Variants in BLOC1S5 observed in about 807,000 individuals in gnomAD.
BLOC1S5 encodes the protein biogenesis of lysosome-related organelles complex 1 subunit 5.
Under a neutral mutation model 24.3 loss-of-function variants are expected in BLOC1S5, and 27 were observed. That is an observed-to-expected ratio of 1.11 (90% CI 0.82 to 1.53). The LOEUF is 1.53. Among genes scored for constraint, BLOC1S5 ranks in the 40% most tolerant of loss-of-function variants. The pLI is 0.00. For missense variants in BLOC1S5, 239 were observed against 229.4 expected (o/e 1.04, Z -0.27); for synonymous variants, 84 against 74.5 (o/e 1.13, Z -0.66).
At chr6:8,045,899 T>C (rs567416181) in intron 2 of BLOC1S5, among the ~76,000 whole-genome samples, 1 of 152,278 alleles carries the variant, frequency 6.6e-6, no homozygotes, top group South Asian at 2.1e-4. Context: ...AGAGGAGACT[T>C]TGGACTGTGG....
intron 3 of BLOC1S5, among the ~76,000 whole-genome samples, chr6:8,033,886 C>T (rs76815132): frequency 0.13 from 19,120 of 152,250 alleles, 1,501 homozygotes; most frequent in South Asian, 0.28. Context: ...AAATGCTCAT[C>T]GTCACTGGTC....
chr6:8,033,568 A>G (rs778013030), intron 3 of BLOC1S5, among the ~76,000 whole-genome samples: 3 of 152,198 alleles, frequency 2.0e-5, no homozygotes, highest in Non-Finnish European at 4.4e-5. Context: ...ATAGGCATGG[A>G]CAAGGACTTC....
At chr6:8,056,573 C>A (rs1764316282) in intron 2 of BLOC1S5, among the ~76,000 whole-genome samples, 1 of 152,200 alleles carries the variant, frequency 6.6e-6, no homozygotes, top group Non-Finnish European at 1.5e-5. Flanking sequence ...TATTTCAATG[C>A]TTATGGCACA....
At chr6:8,057,065 C>T (rs979842756) in intron 2 of BLOC1S5, among the ~76,000 whole-genome samples, 6 of 151,862 alleles carry the variant, frequency 4.0e-5, no homozygotes, top group Admixed American at 3.9e-4. Context: ...TAAAAAAATA[C>T]AAAATTAGCT....
chr6:8,027,491 T>A, intron 3 of BLOC1S5: 1 of 452,994 alleles, frequency 2.2e-6, no homozygotes, highest in South Asian at 1.6e-5. Context: ...TAAAAGTAAA[T>A]CATTTCAATA....
intron 2 of BLOC1S5, among the ~76,000 whole-genome samples, chr6:8,052,972 G>T (rs1451248935): frequency 6.6e-6 from 1 of 152,084 alleles, no homozygotes; most frequent in Admixed American, 6.6e-5. Flanking sequence ...AACAGATGAG[G>T]ATCTGCTTCT....
intron 2 of BLOC1S5, among the ~76,000 whole-genome samples, chr6:8,055,572 G>C: frequency 6.6e-6 from 1 of 152,174 alleles, no homozygotes; most frequent in South Asian, 2.1e-4. Flanking sequence ...TCGACTTTAA[G>C]TGAAATTAGT....
At chr6:8,063,821 G>GT (rs1230032126) in intron 1 of BLOC1S5, among the ~76,000 whole-genome samples, 4 of 152,140 alleles carry the variant, frequency 2.6e-5, no homozygotes, top group African/African-American at 7.2e-5. Context: ...GAGCGCCTTC[G>GT]TAAGTGTATC....
chr6:8,041,655 C>CTTTTTTTTTTTTTTTTT (rs1554139177), intron 2 of BLOC1S5, among the ~76,000 whole-genome samples: 18 of 111,862 alleles, frequency 1.6e-4, no homozygotes, highest in African/African-American at 4.2e-4. Context: ...TTCTTTCTTT[C>CTTTTTTTTTTTTTTTTT]TTTTTTTTTG....
At chr6:8,024,514 C>CA (rs60853006) in intron 4 of BLOC1S5, among the ~76,000 whole-genome samples, 29,316 of 65,592 alleles carry the variant, frequency 0.45, 7,288 homozygotes, top group East Asian at 0.81. Flanking sequence ...GACTCCATCT[C>CA]AAAAAAAAAA....
intron 3 of BLOC1S5, among the ~76,000 whole-genome samples, chr6:8,031,362 G>A (rs976607910): frequency 2.6e-5 from 4 of 152,110 alleles, no homozygotes; most frequent in African/African-American, 9.7e-5. Context: ...AAATTAAAGA[G>A]CTCAACCCCT....
At chr6:8,045,146 C>T (rs536997920) in intron 2 of BLOC1S5, among the ~76,000 whole-genome samples, 32 of 152,296 alleles carry the variant, frequency 2.1e-4, no homozygotes, top group African/African-American at 7.7e-4. Flanking sequence ...AGCCTAGGGA[C>T]TTGGTGCCCC....
At chr6:8,025,187 C>T (rs1763064774) in intron 4 of BLOC1S5, among the ~76,000 whole-genome samples, 1 of 152,202 alleles carries the variant, frequency 6.6e-6, no homozygotes, top group Non-Finnish European at 1.5e-5. Context: ...AGTGTTAGTG[C>T]TTTGGGACTC....
intron 2 of BLOC1S5, among the ~76,000 whole-genome samples, chr6:8,058,756 A>T (rs1280052624): frequency 1.3e-5 from 2 of 152,210 alleles, no homozygotes; most frequent in African/African-American, 4.8e-5. Context: ...GGGGGATAGA[A>T]GGTAAAACTG....
chr6:8,052,023 A>C (rs1028777279), intron 2 of BLOC1S5, among the ~76,000 whole-genome samples: 2 of 134,114 alleles, frequency 1.5e-5, no homozygotes, highest in Non-Finnish European at 3.0e-5. Context: ...GCTGGAGTGC[A>C]GGGTGCGATC....
rs1168475484 is a variant in BLOC1S5, at chr6:8,015,828, T to C, written c.385A>G (p.Ile129Val). The change falls in exon 5 of 5, where the codon ATT becomes GTT. Residue 129 changes from isoleucine (I) to valine (V), a missense_variant and splice_region_variant. Transcript: ENST00000397457. ...CTAGCTACTAAGTGGTCACTATGAA[T>C]CTGAGAAAAGAAAATTAGAAAGTCA... ...LQQREQERKK[I>V]HSDHLVASEK... 1.3e-6 allele frequency: 2 copies of C among 1,595,720 alleles called. No individual in the cohort carries two copies. The highest frequency in any genetic ancestry group is 2.2e-5 in the East Asian group (1 of 44,738).
intron 4 of BLOC1S5, among the ~76,000 whole-genome samples, chr6:8,016,450 C>G (rs1282973763): frequency 6.6e-6 from 1 of 151,810 alleles, no homozygotes; most frequent in Non-Finnish European, 1.5e-5. Context: ...ATTTTAAAAC[C>G]AATTTTAAAA....
intron 3 of BLOC1S5, among the ~76,000 whole-genome samples, chr6:8,037,602 T>C (rs1763530171): frequency 6.6e-6 from 1 of 152,090 alleles, no homozygotes; most frequent in Non-Finnish European, 1.5e-5. Flanking sequence ...ACATTTTTCA[T>C]AGAAACAGGA....
intron 2 of BLOC1S5, among the ~76,000 whole-genome samples, chr6:8,056,123 C>T (rs1764296712): frequency 6.6e-6 from 1 of 152,194 alleles, no homozygotes; most frequent in Admixed American, 6.5e-5. Context: ...CCAGACGAAG[C>T]CCCTTTGATA....
Sources: gnomAD v4.1 joint callset for allele counts (sites outside exome capture counted in the v4.1 genomes callset) on GRCh38, gnomAD v4.1.1 for gene constraint, MANE v1.5 for transcripts, NCBI Gene and HGNC (gene_info 2026-07-23, HGNC 2026-07-21) for gene names.